The following LTBP1 variants were observed in gnomAD, a reference collection of about 807,000 sequenced individuals.
LTBP1 encodes latent-transforming growth factor beta-binding protein 1.
In LTBP1, 129 loss-of-function variants were observed where a neutral mutation model predicts 207.6. That is an observed-to-expected ratio of 0.62 (90% CI 0.54 to 0.72). The LOEUF (loss-of-function observed/expected upper bound fraction) is 0.72. Ranked by LOEUF, LTBP1 falls within the 30% of genes least tolerant of loss-of-function variation. The pLI is 0.00. For synonymous variants in LTBP1, 963 were observed against 833.7 expected, an observed-to-expected ratio of 1.16 and a Z score of -2.67; for missense variants, 2,281 against 2,217.2, an observed-to-expected ratio of 1.03 and a Z score of -0.58.
chr2:33,166,726 T>C (rs2084951217), intron 5 of LTBP1, among the ~76,000 whole-genome samples: 1 of 152,230 alleles, frequency 6.6e-6, no homozygotes, highest in Non-Finnish European at 1.5e-5. Flanking sequence ...TATGGAGCCC[T>C]GAGGAATGAA....
At chr2:33,364,752 G>A (rs1243107600) in intron 30 of LTBP1, among the ~76,000 whole-genome samples, 1 of 152,222 alleles carries the variant, frequency 6.6e-6, no homozygotes, top group African/African-American at 2.4e-5. Flanking sequence ...CAGGGTGGTG[G>A]AGAGCCCCGA....
chr2:32,995,097 T>C (rs1685048654), intron 2 of LTBP1, among the ~76,000 whole-genome samples: 1 of 151,700 alleles, frequency 6.6e-6, no homozygotes, highest in Admixed American at 6.6e-5. Flanking sequence ...GGTAAGAGGA[T>C]CACTTGAGCT....
chr2:33,054,761 T>C (rs2076906665), intron 3 of LTBP1, among the ~76,000 whole-genome samples: 1 of 152,008 alleles, frequency 6.6e-6, no homozygotes, highest in Non-Finnish European at 1.5e-5. Context: ...TGGCCCTCAG[T>C]AGTTAAATGT....
At position 33,186,994 on chromosome 2, in the gene LTBP1, A is replaced by T. The variant is rs1273159301; in HGVS notation, c.1340A>T (p.Gln447Leu). The T allele has an allele frequency of 6.2e-7, 1 of 1,614,212 alleles. No homozygotes were observed. Among genetic ancestry groups the T allele is most frequent in the Middle Eastern group, 1.6e-4 (1 of 6,062 alleles). ...ASVPKLYQHS[Q>L]QPGKALGTHV... ...GTGCCTAAACTTTATCAGCATTCCC[A>T]GCAGCCAGGCAAGGCGTTGGGGACG... Residue 447 changes from glutamine (Q) to leucine (L), a missense_variant, in exon 6 of 34, where the codon CAG (glutamine) becomes CTG (leucine). Physicochemically the swap from Gln to Leu is moderately radical, Grantham distance 113. Coordinates refer to ENST00000404816, the MANE Select transcript of LTBP1 (RefSeq NM_206943.4).
At chr2:33,091,603 A>G (rs907352578) in intron 3 of LTBP1, among the ~76,000 whole-genome samples, 1 of 152,154 alleles carries the variant, frequency 6.6e-6, no homozygotes, top group Non-Finnish European at 1.5e-5. Flanking sequence ...GCTTATGAAC[A>G]CTTCTAGGTG....
intron 31 of LTBP1, among the ~76,000 whole-genome samples, chr2:33,379,252 C>G (rs545229182): frequency 6.8e-6 from 1 of 147,004 alleles, no homozygotes; most frequent in South Asian, 2.2e-4. Context: ...TTCTGTTGCC[C>G]AGGCTGGAGT....
At chr2:32,956,216 A>G (rs1197340147) in intron 2 of LTBP1, among the ~76,000 whole-genome samples, 1 of 152,140 alleles carries the variant, frequency 6.6e-6, no homozygotes. Flanking sequence ...AAAATGATGA[A>G]GTTTGCTGCA....
intron 2 of LTBP1, among the ~76,000 whole-genome samples, chr2:32,969,737 T>G (rs777865793): frequency 3.3e-5 from 5 of 152,190 alleles, no homozygotes; most frequent in Non-Finnish European, 5.9e-5. Context: ...GATGAACATA[T>G]GCATGCATGT....
In LTBP1 at chr2:33,172,721, A is replaced by G. The variant is rs139659064; in HGVS notation, c.1202-14135A>G. Reference sequence around the variant, plus strand: ...TATACATCTTTTTCAGCACTGCACAACACCTATTCCAAAATTGACCACATA... The same window carrying G: ...TATACATCTTTTTCAGCACTGCACAGCACCTATTCCAAAATTGACCACATA... On this transcript the variant is annotated intron_variant, in intron 5 of 33. Coordinates refer to ENST00000404816, the MANE Select transcript of LTBP1 (RefSeq NM_206943.4). 1.6e-3 allele frequency among the ~76,000 whole-genome samples: 241 copies of G among 152,330 alleles called. 2 individuals carry two copies. The highest frequency in any genetic ancestry group is 5.6e-3 in the African/African-American group (232 of 41,576).
intron 3 of LTBP1, among the ~76,000 whole-genome samples, chr2:33,054,934 G>A (rs1044302597): frequency 6.6e-6 from 1 of 152,148 alleles, no homozygotes; most frequent in African/African-American, 2.4e-5. Flanking sequence ...ACATGGACGA[G>A]GGGGCAGCTT....
intron 2 of LTBP1, among the ~76,000 whole-genome samples, chr2:32,964,937 G>C (rs896804395): frequency 6.6e-6 from 1 of 152,108 alleles, no homozygotes; most frequent in Non-Finnish European, 1.5e-5. Context: ...CTACTCGGGA[G>C]GCTGAGGCAG....
chr2:33,198,684 G>A (rs570770650), intron 7 of LTBP1, among the ~76,000 whole-genome samples: 39 of 152,280 alleles, frequency 2.6e-4, no homozygotes, highest in East Asian at 2.3e-3. Flanking sequence ...GTGTATTAGC[G>A]TAGAGGTGTT....
intron 26 of LTBP1, among the ~76,000 whole-genome samples, chr2:33,354,704 AC>A (rs1478352273): frequency 8.9e-5 from 11 of 123,142 alleles, no homozygotes; most frequent in Admixed American, 8.5e-5. Context: ...ACACACACAC[AC>A]ACACACACAC....
intron 31 of LTBP1, among the ~76,000 whole-genome samples, chr2:33,385,446 G>T (rs1320784479): frequency 6.6e-6 from 1 of 152,154 alleles, no homozygotes; most frequent in Admixed American, 6.5e-5. Flanking sequence ...TAGGGACTTA[G>T]TGATGTCACC....
intron 2 of LTBP1, among the ~76,000 whole-genome samples, chr2:33,009,958 ATC>A (rs1687443921): frequency 6.6e-6 from 1 of 152,204 alleles, no homozygotes; most frequent in Non-Finnish European, 1.5e-5. Context: ...ACTGAATTAG[ATC>A]TTCAGGAGAA....
chr2:33,169,868 A>G (rs2085260154), intron 5 of LTBP1, among the ~76,000 whole-genome samples: 1 of 152,230 alleles, frequency 6.6e-6, no homozygotes, highest in African/African-American at 2.4e-5. Context: ...CAGTAAACAG[A>G]TATGTGGGGA....
chr2:33,092,107 C>T (rs1273085639), intron 3 of LTBP1, among the ~76,000 whole-genome samples: 1 of 152,084 alleles, frequency 6.6e-6, no homozygotes, highest in Admixed American at 6.5e-5. Context: ...AGTTCTTTGC[C>T]GTTAAAAAAA....
At position 33,056,263 on chromosome 2, in the gene LTBP1, C is replaced by T. The variant is rs749887015; in HGVS notation, c.863+35057C>T. 4 of 491,380 alleles carry T rather than the reference C, an allele frequency of 8.1e-6. No homozygotes were observed. The Admixed American group carries it at 1.2e-4, about 14-fold the overall frequency. The allele number at this position is 491,380 out of a possible 1,614,324, so 30.4% of individuals were successfully genotyped here. A position where few individuals can be genotyped will look rare whatever the true frequency, so the allele number is the denominator to read the frequency against. ...GCTTAGGATGCATTTCAAGGGTGAG[C>T]CTGTGATGCCTGAGTGTTTCCCATC... On this transcript the variant is annotated intron_variant, in intron 3 of 33. Transcript: ENST00000404816.
At chr2:33,305,130 T>C (rs899911681) in intron 22 of LTBP1, among the ~76,000 whole-genome samples, 3 of 151,914 alleles carry the variant, frequency 2.0e-5, no homozygotes, top group African/African-American at 7.3e-5. Flanking sequence ...TTAGCCAACA[T>C]GGTGAAACCT....
Sources: allele counts gnomAD v4.1 joint callset (sites outside exome capture counted in the v4.1 genomes callset), GRCh38; gene constraint gnomAD v4.1.1; transcripts MANE v1.5; gene names NCBI Gene and HGNC (gene_info 2026-07-23, HGNC 2026-07-21).